Variants in MTHFD1L observed in about 807,000 individuals in gnomAD.
The protein encoded by MTHFD1L is monofunctional C1-tetrahydrofolate synthase, mitochondrial.
MTHFD1L carries 81 observed loss-of-function variants against 119.5 expected under a neutral mutation model. That is an observed-to-expected ratio of 0.68 (90% CI 0.57 to 0.82). The LOEUF (loss-of-function observed/expected upper bound fraction) is 0.82, where lower values mean the gene tolerates loss of function less well. Among genes scored for constraint, MTHFD1L ranks in the 40% least tolerant of loss-of-function variants. The pLI, the probability that MTHFD1L is intolerant of heterozygous loss-of-function variation, is 0.00. For synonymous variants in MTHFD1L, 430 were observed against 475.2 expected (o/e 0.90, Z 1.24); for missense variants, 1,125 against 1,253.4 (o/e 0.90, Z 1.55).
chr6:150,880,636 G>A (rs968424339), intron 4 of MTHFD1L, among the ~76,000 whole-genome samples: 1 of 152,186 alleles, frequency 6.6e-6, no homozygotes, highest in Non-Finnish European at 1.5e-5. Flanking sequence ...GAATGGCTGG[G>A]TCATATGGTA....
intron 26 of MTHFD1L, among the ~76,000 whole-genome samples, chr6:151,077,636 G>A (rs755608867): frequency 2.0e-5 from 3 of 152,114 alleles, no homozygotes; most frequent in Admixed American, 6.6e-5. Flanking sequence ...AGCCAAGATC[G>A]TGCCACTATA....
chr6:150,871,919 C>A (rs1314384736), intron 1 of MTHFD1L, among the ~76,000 whole-genome samples: 1 of 149,140 alleles, frequency 6.7e-6, no homozygotes, highest in Non-Finnish European at 1.5e-5. Flanking sequence ...ACTCTTTCAC[C>A]CAGGCTGGAG....
intron 8 of MTHFD1L, among the ~76,000 whole-genome samples, chr6:150,913,131 G>A (rs1036790716): frequency 6.6e-6 from 1 of 151,862 alleles, no homozygotes; most frequent in African/African-American, 2.4e-5. Context: ...CCCCCAGGTA[G>A]CTGGGACTAC....
intron 24 of MTHFD1L, among the ~76,000 whole-genome samples, chr6:151,018,016 G>A (rs1364262783): frequency 6.6e-6 from 1 of 151,718 alleles, no homozygotes; most frequent in Admixed American, 6.6e-5. Flanking sequence ...AGCACATGTC[G>A]ATGGTTCAGT....
intron 20 of MTHFD1L, among the ~76,000 whole-genome samples, chr6:150,998,654 A>G (rs1192541097): frequency 6.7e-6 from 1 of 149,602 alleles, no homozygotes; most frequent in Non-Finnish European, 1.5e-5. Flanking sequence ...ATGCAGTTAA[A>G]TCTTTCATAT....
intron 17 of MTHFD1L, among the ~76,000 whole-genome samples, chr6:150,958,819 A>C (rs892292954): frequency 1.3e-5 from 2 of 152,258 alleles, no homozygotes; most frequent in African/African-American, 4.8e-5. Flanking sequence ...TCATTTAGTC[A>C]TTAAAGTGAA....
chr6:151,040,228 C>T (rs1051221804), intron 26 of MTHFD1L, among the ~76,000 whole-genome samples: 3 of 152,224 alleles, frequency 2.0e-5, no homozygotes, highest in Non-Finnish European at 2.9e-5. Flanking sequence ...TTCATTCACT[C>T]GGCCAATGCT....
At chr6:151,035,006 C>T (rs1785950371) in intron 25 of MTHFD1L, among the ~76,000 whole-genome samples, 2 of 152,082 alleles carry the variant, frequency 1.3e-5, no homozygotes, top group African/African-American at 2.4e-5. Context: ...AAAATGCTAG[C>T]GTGGTGCCAG....
intron 4 of MTHFD1L, among the ~76,000 whole-genome samples, chr6:150,879,130 A>G (rs958597887): frequency 6.6e-6 from 1 of 152,160 alleles, no homozygotes; most frequent in African/African-American, 2.4e-5. Flanking sequence ...GAGAAAGGAA[A>G]CTATATACTG....
chr6:150,895,145 C>T (rs1393870442), intron 7 of MTHFD1L, among the ~76,000 whole-genome samples: 2 of 152,240 alleles, frequency 1.3e-5, no homozygotes, highest in Admixed American at 1.3e-4. Context: ...ACCCAGCGTC[C>T]TGGGCCCTGC....
At chr6:150,967,107 C>T (rs1797320361) in intron 19 of MTHFD1L, among the ~76,000 whole-genome samples, 4 of 117,418 alleles carry the variant, frequency 3.4e-5, no homozygotes, top group African/African-American at 7.9e-5. Context: ...TTTCAAAAAC[C>T]TCCTGCCCCC....
intron 11 of MTHFD1L, among the ~76,000 whole-genome samples, chr6:150,930,724 A>G (rs1479341127): frequency 6.6e-6 from 1 of 152,072 alleles, no homozygotes; most frequent in African/African-American, 2.4e-5. Flanking sequence ...TTGTTATTAC[A>G]TATTTTAATT....
intron 8 of MTHFD1L, among the ~76,000 whole-genome samples, chr6:150,918,104 C>T (rs1045154694): frequency 1.6e-4 from 20 of 126,018 alleles, no homozygotes; most frequent in Non-Finnish European, 2.8e-4. Flanking sequence ...CTTGCTATGT[C>T]GCCCAGGTTG....
intron 20 of MTHFD1L, among the ~76,000 whole-genome samples, chr6:150,994,723 C>T (rs1002502252): frequency 1.3e-5 from 2 of 152,120 alleles, no homozygotes; most frequent in South Asian, 2.1e-4. Context: ...TAAATCAGGA[C>T]TCAGTCTTAC....
chr6:150,928,868 C>CAAATAAA (rs1790511125), intron 11 of MTHFD1L, among the ~76,000 whole-genome samples: 1 of 152,118 alleles, frequency 6.6e-6, no homozygotes, highest in Non-Finnish European at 1.5e-5. Flanking sequence ...GTAAGAGGGA[C>CAAATAAA]AGACAGCCAG....
At chr6:151,058,996 T>C (rs774306887) in intron 26 of MTHFD1L, among the ~76,000 whole-genome samples, 3 of 148,122 alleles carry the variant, frequency 2.0e-5, no homozygotes, top group Non-Finnish European at 4.5e-5. Flanking sequence ...CTAAAGGAAA[T>C]GTGTTGGTTT....
rs549898733 is a variant in MTHFD1L at position 151,101,635 on chromosome 6, T to A, written c.*141T>A. On this transcript the variant is annotated 3_prime_UTR_variant, in exon 28 of 28. Transcript: ENST00000367321. Reference sequence around the variant, plus strand: ...AGACATGGTGAAATAGGCCAAAGATTTCTTCTTCGTTCAAGATGAATTCTG... The same window carrying A: ...AGACATGGTGAAATAGGCCAAAGATATCTTCTTCGTTCAAGATGAATTCTG... 27 of 152,746 alleles carry A rather than the reference T, an allele frequency of 1.8e-4. No individual in the cohort carries two copies. The highest frequency in any genetic ancestry group is 6.3e-4 in the African/African-American group (26 of 41,572). 9.5% of individuals were successfully genotyped at this position (152,746 alleles called of 1,614,324 possible).
At chr6:151,100,283 G>A (rs979960015) in intron 27 of MTHFD1L, among the ~76,000 whole-genome samples, 1 of 152,060 alleles carries the variant, frequency 6.6e-6, no homozygotes, top group African/African-American at 2.4e-5. Context: ...TGATCCACCC[G>A]TGAGCCACCG....
chr6:151,022,090 CCTGGAGCCGCAGCCAG>C, intron 24 of MTHFD1L: 1 of 470,850 alleles, frequency 2.1e-6, no homozygotes, highest in South Asian at 1.5e-5. Context: ...ACGAAGACAG[CCTGGAGCCGCAGCCAG>C]CTCTGCTGAC....
Sources: gnomAD v4.1 joint callset for allele counts (sites outside exome capture counted in the v4.1 genomes callset) on GRCh38, gnomAD v4.1.1 for gene constraint, MANE v1.5 for transcripts, NCBI Gene and HGNC (gene_info 2026-07-23, HGNC 2026-07-21) for gene names.